CDH13: variants seen among roughly 807,000 people sequenced by gnomAD.
The protein encoded by CDH13 is cadherin 13.
In CDH13, 24 loss-of-function variants were observed where a neutral mutation model predicts 63.8. That is an observed-to-expected ratio of 0.38 (90% CI 0.27 to 0.53). CDH13 has a LOEUF of 0.53. Ranked by LOEUF, CDH13 falls within the 20% of genes least tolerant of loss-of-function variation. CDH13 has a pLI of 0.85. For missense variants in CDH13, 1,049 were observed against 903.1 expected (o/e 1.16, Z -2.07); for synonymous variants, 503 against 355.3 (o/e 1.42, Z -4.67).
At chr16:82,952,050 G>A (rs988146026) in intron 2 of CDH13, among the ~76,000 whole-genome samples, 16 of 152,200 alleles carry the variant, frequency 1.1e-4, no homozygotes, top group African/African-American at 3.6e-4. Context: ...TGAATTAAAT[G>A]TGCAATTACT....
intron 5 of CDH13, among the ~76,000 whole-genome samples, chr16:83,240,028 C>G (rs1455360357): frequency 6.6e-6 from 1 of 152,158 alleles, no homozygotes; most frequent in Non-Finnish European, 1.5e-5. Context: ...GGTGTACAGC[C>G]AGCAAGATGG....
chr16:82,963,748 C>T (rs1299320195), intron 2 of CDH13, among the ~76,000 whole-genome samples: 5 of 151,674 alleles, frequency 3.3e-5, no homozygotes, highest in Non-Finnish European at 7.4e-5. Context: ...GATGATTACT[C>T]TGCATGTGTT....
intron 5 of CDH13, among the ~76,000 whole-genome samples, chr16:83,305,626 A>T (rs1256125043): frequency 2.0e-5 from 3 of 152,188 alleles, no homozygotes; most frequent in African/African-American, 7.2e-5. Context: ...ATGCAGTGGA[A>T]TACAGGCGAC....
intron 5 of CDH13, among the ~76,000 whole-genome samples, chr16:83,280,358 A>T (rs1207460380): frequency 6.6e-6 from 1 of 152,246 alleles, no homozygotes; most frequent in Admixed American, 6.5e-5. Flanking sequence ...TTGCTTATCC[A>T]TAAGAGCAAT....
intron 1 of CDH13, among the ~76,000 whole-genome samples, chr16:82,775,167 C>A (rs755723375): frequency 6.6e-6 from 1 of 152,144 alleles, no homozygotes; most frequent in Admixed American, 6.5e-5. Context: ...ACAGCTGTAC[C>A]TACTGCATAT....
chr16:83,181,296 A>G (rs534261291), intron 4 of CDH13, among the ~76,000 whole-genome samples: 9 of 152,284 alleles, frequency 5.9e-5, no homozygotes, highest in Non-Finnish European at 1.2e-4. Flanking sequence ...TGTTCACAGA[A>G]TCAAGCGAAT....
intron 2 of CDH13, among the ~76,000 whole-genome samples, chr16:82,977,995 A>T (rs1024907703): frequency 6.6e-6 from 1 of 152,078 alleles, no homozygotes; most frequent in Non-Finnish European, 1.5e-5. Flanking sequence ...AAGATGAGGA[A>T]CTTGTTGGAA....
At chr16:82,724,559 A>G (rs1372138471) in intron 1 of CDH13, among the ~76,000 whole-genome samples, 2 of 152,170 alleles carry the variant, frequency 1.3e-5, no homozygotes, top group Non-Finnish European at 2.9e-5. Context: ...ATTTATTGGG[A>G]TGCCCTCAAA....
intron 3 of CDH13, among the ~76,000 whole-genome samples, chr16:83,059,523 T>C (rs1039757637): frequency 1.1e-4 from 16 of 152,088 alleles, no homozygotes; most frequent in African/African-American, 3.9e-4. Flanking sequence ...GTGTCTGCCA[T>C]GGCCTAGGTT....
chr16:83,385,063 G>C (rs2091645772), intron 6 of CDH13, among the ~76,000 whole-genome samples: 1 of 152,174 alleles, frequency 6.6e-6, no homozygotes, highest in Non-Finnish European at 1.5e-5. Context: ...CTCTACATTT[G>C]TATGGAAAAT....
At chr16:83,531,851 T>C (rs962348240) in intron 7 of CDH13, among the ~76,000 whole-genome samples, 1 of 152,212 alleles carries the variant, frequency 6.6e-6, no homozygotes, top group African/African-American at 2.4e-5. Context: ...AGTAACTTTG[T>C]GTTATTTCAA....
chr16:82,959,480 C>A (rs982952132), intron 2 of CDH13, among the ~76,000 whole-genome samples: 1 of 152,224 alleles, frequency 6.6e-6, no homozygotes, highest in African/African-American at 2.4e-5. Flanking sequence ...AATCCACTTT[C>A]TTCCCTCTCC....
intron 1 of CDH13, among the ~76,000 whole-genome samples, chr16:82,782,194 G>A (rs542110000): frequency 6.6e-6 from 1 of 152,156 alleles, no homozygotes; most frequent in Non-Finnish European, 1.5e-5. Context: ...GCTGAAGTAG[G>A]GGCTCAGAAA....
chr16:83,128,314 G>T (rs150097694), intron 4 of CDH13, among the ~76,000 whole-genome samples: 3 of 152,268 alleles, frequency 2.0e-5, no homozygotes, highest in African/African-American at 7.2e-5. Flanking sequence ...CATTAGCATC[G>T]CCTGGGAGCT....
intron 7 of CDH13, among the ~76,000 whole-genome samples, chr16:83,519,224 G>A (rs2074772396): frequency 6.6e-6 from 1 of 152,172 alleles, no homozygotes; most frequent in African/African-American, 2.4e-5. Context: ...GTCTTGTCTT[G>A]TCTCAGCCTA....
intron 5 of CDH13, among the ~76,000 whole-genome samples, chr16:83,340,281 T>G (rs1007780783): frequency 6.7e-6 from 1 of 149,160 alleles, no homozygotes; most frequent in African/African-American, 2.5e-5. Flanking sequence ...CTGTGGTACA[T>G]GTACATATGT....
chr16:83,005,880 T>C (rs1339504197), intron 2 of CDH13, among the ~76,000 whole-genome samples: 1 of 152,268 alleles, frequency 6.6e-6, no homozygotes, highest in Non-Finnish European at 1.5e-5. Context: ...TCTTCACTGA[T>C]AATGAGTAAA....
At chr16:83,096,659 T>C (rs760897100) in intron 3 of CDH13, among the ~76,000 whole-genome samples, 10 of 152,300 alleles carry the variant, frequency 6.6e-5, no homozygotes, top group Non-Finnish European at 1.5e-4. Context: ...AGTGAGCGGA[T>C]TTGGGTTTAA....
At chr16:83,191,520 C>CAT (rs2038709559) in intron 4 of CDH13, among the ~76,000 whole-genome samples, 1 of 88,458 alleles carries the variant, frequency 1.1e-5, no homozygotes, top group South Asian at 4.1e-4. Flanking sequence ...CACACACACA[C>CAT]ACACACACAC....
Sources: gnomAD v4.1 joint callset for allele counts (sites outside exome capture counted in the v4.1 genomes callset) on GRCh38, gnomAD v4.1.1 for gene constraint, MANE v1.5 for transcripts, NCBI Gene and HGNC (gene_info 2026-07-23, HGNC 2026-07-21) for gene names.